Variants in MAF observed in about 807,000 individuals in gnomAD.
MAF encodes transcription factor Maf.
MAF carries 10 observed loss-of-function variants against 22.0 expected under a neutral mutation model. That is an observed-to-expected ratio of 0.45 (90% CI 0.28 to 0.77). MAF has a LOEUF of 0.77. Ranked by LOEUF, MAF falls within the 30% of genes least tolerant of loss-of-function variation. The probability of loss-of-function intolerance (pLI) is 0.12; values close to 1 mark genes in which losing one functional copy is unlikely to be tolerated. For synonymous variants in MAF, 337 were observed against 255.8 expected (o/e 1.32, Z -3.03); for missense variants, 544 against 548.4 (o/e 0.99, Z 0.08).
chr16:79,283,967 CAAAA>C, the MAF span, among the ~76,000 whole-genome samples: 1 of 115,586 alleles, frequency 8.7e-6, no homozygotes, highest in Admixed American at 9.7e-5. Flanking sequence ...ACCTCCTCCT[CAAAA>C]AAAAAAAAAA....
chr16:79,496,538 C>A, the MAF span, among the ~76,000 whole-genome samples: 58 of 152,356 alleles, frequency 3.8e-4, no homozygotes, highest in African/African-American at 1.3e-3. Context: ...TTCCCTGAGT[C>A]TTATTAACAG....
chr16:79,224,680 A>T, the MAF span, among the ~76,000 whole-genome samples: 1 of 152,276 alleles, frequency 6.6e-6, no homozygotes, highest in Admixed American at 6.5e-5. Context: ...TACAAAATCC[A>T]TGTGCAAAAA....
chr16:79,234,713 G>A, the MAF span, among the ~76,000 whole-genome samples: 10 of 152,210 alleles, frequency 6.6e-5, no homozygotes, highest in South Asian at 2.1e-4. Flanking sequence ...GATCATCCAG[G>A]AAAGGGTTAG....
At chr16:79,498,262 T>A in the MAF span, among the ~76,000 whole-genome samples, 19 of 152,324 alleles carry the variant, frequency 1.2e-4, no homozygotes, top group Non-Finnish European at 2.8e-4. Flanking sequence ...TGGTCTCCAT[T>A]GCAACTTCTC....
chr16:79,426,550 C>T, the MAF span, among the ~76,000 whole-genome samples: 4 of 152,136 alleles, frequency 2.6e-5, no homozygotes, highest in Admixed American at 2.6e-4. Flanking sequence ...CTCAGTTTAC[C>T]TGTATCAGGT....
At chr16:79,460,323 A>G in the MAF span, among the ~76,000 whole-genome samples, 10 of 152,184 alleles carry the variant, frequency 6.6e-5, no homozygotes, top group Non-Finnish European at 7.3e-5. Flanking sequence ...TGTCTATAAA[A>G]GTGCTGAAGG....
At chr16:79,453,726 A>G in the MAF span, among the ~76,000 whole-genome samples, 10 of 152,208 alleles carry the variant, frequency 6.6e-5, no homozygotes, top group Non-Finnish European at 1.2e-4. Flanking sequence ...GGGTGATTTG[A>G]ACAGCACCAA....
the MAF span, among the ~76,000 whole-genome samples, chr16:79,574,243 T>C: frequency 6.6e-6 from 1 of 152,206 alleles, no homozygotes; most frequent in African/African-American, 2.4e-5. Context: ...TGCGATCAAG[T>C]ATCTTGGTTA....
chr16:79,228,582 C>T, the MAF span, among the ~76,000 whole-genome samples: 2 of 152,090 alleles, frequency 1.3e-5, no homozygotes, highest in South Asian at 4.1e-4. Context: ...CCGGTGTTTC[C>T]TCACTGGCTC....
the MAF span, among the ~76,000 whole-genome samples, chr16:79,210,118 TTG>T: frequency 1.3e-5 from 2 of 152,164 alleles, no homozygotes; most frequent in African/African-American, 4.8e-5. Context: ...ACCCAAGTCT[TTG>T]TCTCACTCAC....
At chr16:79,437,715 C>A in the MAF span, among the ~76,000 whole-genome samples, 4 of 152,120 alleles carry the variant, frequency 2.6e-5, no homozygotes, top group East Asian at 7.7e-4. Flanking sequence ...GCTTCCAGAG[C>A]ACGAGCTTCT....
the MAF span, among the ~76,000 whole-genome samples, chr16:79,479,683 A>G: frequency 6.6e-6 from 1 of 152,238 alleles, no homozygotes; most frequent in Non-Finnish European, 1.5e-5. Flanking sequence ...TTCCTACCTT[A>G]TATGCTAGGC....
At chr16:79,228,733 T>G in the MAF span, among the ~76,000 whole-genome samples, 6 of 152,126 alleles carry the variant, frequency 3.9e-5, no homozygotes, top group African/African-American at 1.4e-4. Context: ...CTGTTTCCAC[T>G]TAGGCTGAGT....
At chr16:79,465,463 T>C in the MAF span, among the ~76,000 whole-genome samples, 1 of 152,062 alleles carries the variant, frequency 6.6e-6, no homozygotes, top group African/African-American at 2.4e-5. Flanking sequence ...TGTGGTGATG[T>C]GTGCCTGTAG....
the MAF span, among the ~76,000 whole-genome samples, chr16:79,342,181 C>G: frequency 6.6e-6 from 1 of 152,194 alleles, no homozygotes; most frequent in African/African-American, 2.4e-5. Context: ...AGGTGGCACA[C>G]CCGGGGTCCC....
the MAF span, among the ~76,000 whole-genome samples, chr16:79,457,835 G>A: frequency 6.6e-6 from 1 of 152,040 alleles, no homozygotes. Context: ...CATCGCAATT[G>A]GAAATCAGGA....
the MAF span, chr16:79,211,829 G>A: frequency 1.7e-3 from 2,821 of 1,612,770 alleles, 11 homozygotes; most frequent in African/African-American, 0.017. Flanking sequence ...ACACACACCC[G>A]CCCTGTGTGT....
chr16:79,461,527 C>G, the MAF span, among the ~76,000 whole-genome samples: 2 of 152,156 alleles, frequency 1.3e-5, no homozygotes, highest in African/African-American at 4.8e-5. Flanking sequence ...CAAAAAGGCT[C>G]TTTGTCATCT....
At chr16:79,357,707 T>C in the MAF span, among the ~76,000 whole-genome samples, 1 of 152,142 alleles carries the variant, frequency 6.6e-6, no homozygotes, top group Non-Finnish European at 1.5e-5. Flanking sequence ...GACTGGTTAC[T>C]AGATGCTGCC....
Sources: gnomAD v4.1 joint callset for allele counts (sites outside exome capture counted in the v4.1 genomes callset) on GRCh38, gnomAD v4.1.1 for gene constraint, MANE v1.5 for transcripts, NCBI Gene and HGNC (gene_info 2026-07-23, HGNC 2026-07-21) for gene names.